PRPS2: variants seen among roughly 807,000 people sequenced by gnomAD.
PRPS2 encodes the protein ribose-phosphate pyrophosphokinase 2.
For missense variants in PRPS2, 104 were observed against 271.5 expected (o/e 0.38, Z 4.34); for synonymous variants, 111 against 115.3 (o/e 0.96, Z 0.24).
chrX:12,792,222 AG>A (rs921486880), intron 1 of PRPS2, among the ~76,000 whole-genome samples: 1 of 112,084 alleles, frequency 8.9e-6, no homozygotes, highest in African/African-American at 3.3e-5. Flanking sequence ...CGATTTTACA[AG>A]CTTCCCTGGC....
rs2042684409 is a variant in PRPS2, at chrX:12,823,192, G to A, written c.*396G>A. On this transcript the variant is annotated 3_prime_UTR_variant, in exon 7 of 7. Coordinates refer to ENST00000380668, the MANE Select transcript of PRPS2 (RefSeq NM_002765.5). ...GTGACTTCAGATTAAAGCCTTCTGTGTAAATATATACTGATAATGCCTATG... is the reference window on the plus strand; with the variant it reads ...GTGACTTCAGATTAAAGCCTTCTGTATAAATATATACTGATAATGCCTATG... The A allele has an allele frequency of 7.3e-6, 1 of 137,178 alleles. No individual in the cohort carries two copies. The highest frequency in any genetic ancestry group is 1.4e-5 in the Non-Finnish European group (1 of 71,288). The allele number at this position is 137,178 out of a possible 1,213,427, so 11.3% of individuals were successfully genotyped here. A position where few individuals can be genotyped will look rare whatever the true frequency, so the allele number is the denominator to read the frequency against.
chrX:12,810,292 C>G, intron 4 of PRPS2, 146 bp downstream of exon 4: 1 of 727,081 alleles, frequency 1.4e-6, no homozygotes, highest in South Asian at 3.1e-5. Context: ...GCTTCACTTC[C>G]AGAGCAGAAA....
chrX:12,812,706 G>A (rs2284108), intron 4 of PRPS2, among the ~76,000 whole-genome samples: 37,014 of 111,116 alleles, frequency 0.33, 4,606 homozygotes, highest in East Asian at 0.52. Flanking sequence ...GCAGTGTTTT[G>A]CATATTCAGA....
intron 1 of PRPS2, among the ~76,000 whole-genome samples, chrX:12,794,183 C>T (rs1602407547): frequency 8.9e-6 from 1 of 112,592 alleles, no homozygotes; most frequent in Non-Finnish European, 1.9e-5. Flanking sequence ...CGCGTATGGT[C>T]ACAGCTGAGG....
chrX:12,814,785 T>A (rs1373739193), intron 4 of PRPS2, among the ~76,000 whole-genome samples: 2 of 112,257 alleles, frequency 1.8e-5, no homozygotes, highest in African/African-American at 6.5e-5. Flanking sequence ...TTAACTTTTT[T>A]TCTGATTACA....
rs756490746 is a variant in PRPS2, at chrX:12,819,588, G to A, written c.612G>A (p.Arg204=). ...GGAAGAAGGCGAATGAAGTGGACCG[G>A]ATGGTCCTGGTGGGCGACGTGAAGG... The part of the protein sequence containing the change: ...KERKKANEVD[R]MVLVGDVKDR... Residue 204 remains arginine, a synonymous_variant, in exon 5 of 7, where the codon CGG becomes CGA. Coordinates refer to ENST00000380668, the MANE Select transcript of PRPS2 (RefSeq NM_002765.5). 1 of 1,210,558 alleles carries A rather than the reference G, an allele frequency of 8.3e-7. No individual in the cohort carries two copies. Among genetic ancestry groups the A allele is most frequent in the African/African-American group, 1.7e-5 (1 of 57,396 alleles).
At chrX:12,812,023 C>T (rs2042626438) in intron 4 of PRPS2, among the ~76,000 whole-genome samples, 1 of 111,999 alleles carries the variant, frequency 8.9e-6, no homozygotes, top group Non-Finnish European at 1.9e-5. Context: ...TGGAGGGCAG[C>T]GCTGTGTCAC....
rs1350480295 is a variant in PRPS2, at chrX:12,809,275, G to A, written c.348G>A (p.Leu116=). 8.3e-7 allele frequency: 1 copy of A among 1,210,860 alleles called. No homozygotes were observed. Among genetic ancestry groups the A allele is most frequent in the Admixed American group, 2.2e-5 (1 of 45,881 alleles). Reference sequence around the variant, plus strand: ...CTGCAAAACTTGTGGCCAATATGCTGTCGGTGGCTGGGGCGGATCACATCA... The same window carrying A: ...CTGCAAAACTTGTGGCCAATATGCTATCGGTGGCTGGGGCGGATCACATCA... The part of the protein sequence containing the change: ...PISAKLVANM[L]SVAGADHIIT... Residue 116 remains leucine (L), a synonymous_variant, in exon 3 of 7, where the codon CTG becomes CTA. Transcript: ENST00000380668.
At chrX:12,820,503 A>G (rs1201774794) in intron 5 of PRPS2, 141 bp from the exon 6 acceptor site, 3 of 600,667 alleles carry the variant, frequency 5.0e-6, no homozygotes, top group Admixed American at 3.7e-5. Flanking sequence ...GAGTGATCCT[A>G]TCTTAGGTTA....
At chrX:12,800,414 C>G (rs1048308028) in intron 2 of PRPS2, among the ~76,000 whole-genome samples, 2 of 111,718 alleles carry the variant, frequency 1.8e-5, no homozygotes, top group African/African-American at 6.5e-5. Context: ...TCAACTTAAT[C>G]TTTACCTTGG....
intron 2 of PRPS2, among the ~76,000 whole-genome samples, chrX:12,802,441 T>TTA (rs1455760703): frequency 3.6e-5 from 4 of 111,864 alleles, no homozygotes; most frequent in Non-Finnish European, 7.5e-5. Context: ...CCTCCCAGGT[T>TTA]TAAGGATTCT....
rs142502838 is a variant in PRPS2 at position 12,820,767 on chromosome X, G to T, written c.828G>T (p.Pro276=). The T allele has an allele frequency of 3.3e-6, 4 of 1,208,902 alleles. No homozygotes were observed. The highest frequency in any genetic ancestry group is 3.5e-5 in the African/African-American group (2 of 56,913). ...FEAVVVTNTI[P]QEDKMKHCTK... ...CTGTTGTCGTCACAAACACAATTCC[G>T]CAAGAGGACAAAATGAAACACTGCA... The change falls in exon 6 of 7, where the codon CCG becomes CCT. Residue 276 remains proline, a synonymous_variant. Coordinates refer to ENST00000380668, the MANE Select transcript of PRPS2 (RefSeq NM_002765.5).
intron 4 of PRPS2, among the ~76,000 whole-genome samples, chrX:12,815,640 T>C (rs2042643779): frequency 9.0e-6 from 1 of 111,451 alleles, no homozygotes; most frequent in Non-Finnish European, 1.9e-5. Context: ...ACTGTACGTG[T>C]TTTTTTGTTT....
chrX:12,807,142 T>G (rs756394222), intron 2 of PRPS2, among the ~76,000 whole-genome samples: 1 of 112,370 alleles, frequency 8.9e-6, no homozygotes, highest in East Asian at 2.8e-4. Context: ...TCCTGGAGAC[T>G]GGAAGACCAA....
chrX:12,812,821 T>C (rs1165106538), intron 4 of PRPS2, among the ~76,000 whole-genome samples: 1 of 111,282 alleles, frequency 9.0e-6, no homozygotes, highest in African/African-American at 3.3e-5. Context: ...CCCCACCTTA[T>C]CCCTGGCAGC....
At chrX:12,795,912 C>G (rs1020828696) in intron 1 of PRPS2, among the ~76,000 whole-genome samples, 1 of 112,667 alleles carries the variant, frequency 8.9e-6, no homozygotes, top group African/African-American at 3.2e-5. Context: ...ACATAGAACT[C>G]TTTCTATCCC....
chrX:12,819,794 T>C, intron 5 of PRPS2, 114 bp downstream of exon 5: 1 of 915,979 alleles, frequency 1.1e-6, no homozygotes, highest in Non-Finnish European at 1.5e-6. Flanking sequence ...GCAGTGGAGT[T>C]TTAGACCAAA....
chrX:12,809,967 AAAG>A lies in PRPS2; in HGVS notation c.406-52_406-50del, dbSNP rs751167467. 2.6e-3 allele frequency: 2,209 copies of A among 865,559 alleles called. 3 individuals carry two copies. Among genetic ancestry groups the A allele is most frequent in the Non-Finnish European group, 2.7e-3 (1,821 of 668,274 alleles). The allele number at this position is 865,559 out of a possible 1,213,427, so 71.3% of individuals were successfully genotyped here. ...AAAGCGATTATCGTTTAAAAAAACA[AAAG>A]AAAACAAAACAAAACAAAACCCTGC... On this transcript the variant is annotated intron_variant, in intron 3 of 6. Transcript: ENST00000380668.
At chrX:12,810,696 G>A (rs1000074318) in intron 4 of PRPS2, among the ~76,000 whole-genome samples, 41 of 110,216 alleles carry the variant, frequency 3.7e-4, no homozygotes, top group Non-Finnish European at 1.3e-4. Flanking sequence ...ATAAAGAAGG[G>A]AGTTAAAGCC....
Sources: allele counts gnomAD v4.1 joint callset (sites outside exome capture counted in the v4.1 genomes callset), GRCh38; gene constraint gnomAD v4.1.1; transcripts MANE v1.5; gene names NCBI Gene and HGNC (gene_info 2026-07-23, HGNC 2026-07-21).